Variants in CDIP1 observed in about 807,000 individuals in gnomAD.
The protein encoded by CDIP1 is cell death inducing p53 target 1, also known as cell death-inducing p53-target protein 1.
CDIP1 carries 9 observed loss-of-function variants against 17.7 expected under a neutral mutation model. The ratio of observed to expected loss-of-function variants is 0.51; its 90% CI spans 0.31 to 0.89. CDIP1 has a LOEUF of 0.89. CDIP1 is among the 40% of genes least tolerant of loss of function. The pLI is 0.05. For synonymous variants in CDIP1, 117 were observed against 109.5 expected (o/e 1.07, Z -0.43); for missense variants, 263 against 277.9 (o/e 0.95, Z 0.38).
At chr16:4,534,310 G>A (rs2059083598) in intron 1 of CDIP1, among the ~76,000 whole-genome samples, 3 of 152,270 alleles carry the variant, frequency 2.0e-5, no homozygotes, top group Middle Eastern at 3.4e-3. Context: ...AGCCGCAGCC[G>A]AGAGAGACTC....
chr16:4,530,040 G>A (rs888012007), intron 1 of CDIP1, among the ~76,000 whole-genome samples: 1 of 152,226 alleles, frequency 6.6e-6, no homozygotes, highest in African/African-American at 2.4e-5. Context: ...CCTGTACACA[G>A]AAGCTCCCCC....
chr16:4,520,311 A>G, intron 1 of CDIP1, among the ~76,000 whole-genome samples: 1 of 152,016 alleles, frequency 6.6e-6, no homozygotes, highest in Admixed American at 6.6e-5. Flanking sequence ...CACCATGTTG[A>G]CCAGGATGGT....
At chr16:4,515,287 G>A (rs1403204349) in intron 1 of CDIP1, among the ~76,000 whole-genome samples, 5 of 152,188 alleles carry the variant, frequency 3.3e-5, no homozygotes, top group Non-Finnish European at 7.4e-5. Flanking sequence ...TCAGGGGCAG[G>A]GCCAGAGGAA....
At chr16:4,532,091 C>T (rs886603498) in intron 1 of CDIP1, 5 of 152,252 alleles carry the variant, frequency 3.3e-5, no homozygotes, top group African/African-American at 1.2e-4. Context: ...ACCTAACCCA[C>T]TGAATGTGTA....
At chr16:4,516,698 C>CTTTT (rs767463500) in intron 1 of CDIP1, among the ~76,000 whole-genome samples, 561 of 78,118 alleles carry the variant, frequency 7.2e-3, no homozygotes, top group East Asian at 0.012. Context: ...GTTTTAAATC[C>CTTTT]TTTTTTTTTT....
At position 4,513,572 on chromosome 16, in the gene CDIP1, G is replaced by C; in HGVS notation, c.241+124C>G. On this transcript the variant is annotated intron_variant, in intron 4 of 5. Coordinates refer to ENST00000567695, the MANE Select transcript of CDIP1 (RefSeq NM_013399.3). The surrounding 1 kb of genome is among the most constrained non-coding windows in gnomAD (Gnocchi z 4.1). ...CACACAGCCTGAGCCCTAGGCAAGG[G>C]CTGGTTGGGCGTGTTGGAGTCCCTG... The C allele has an allele frequency of 1.2e-6, 1 of 807,234 alleles. No individual in the cohort carries two copies. The highest frequency in any genetic ancestry group is 1.6e-5 in the South Asian group (1 of 60,990). The allele number at this position is 807,234 out of a possible 1,614,324, so 50.0% of individuals were successfully genotyped here.
At chr16:4,515,148 A>G (rs1241603196) in intron 1 of CDIP1, 1 of 152,226 alleles carries the variant, frequency 6.6e-6, no homozygotes, top group Non-Finnish European at 1.5e-5. Flanking sequence ...TACCTTAGCT[A>G]AAAGTAATAA....
At chr16:4,517,750 A>AC (rs200004599) in intron 1 of CDIP1, among the ~76,000 whole-genome samples, 72,044 of 142,090 alleles carry the variant, frequency 0.51, 19,958 homozygotes, top group Non-Finnish European at 0.66. Context: ...CAAAAAACAA[A>AC]AAAAAAAAAA....
chr16:4,530,627 C>T (rs902471007), intron 1 of CDIP1, among the ~76,000 whole-genome samples: 3 of 145,542 alleles, frequency 2.1e-5, no homozygotes, highest in Non-Finnish European at 4.5e-5. Flanking sequence ...CCAGCCTGGG[C>T]GACAGAGTGA....
chr16:4,537,236 A>G (rs1443872981), intron 1 of CDIP1, among the ~76,000 whole-genome samples: 3 of 152,234 alleles, frequency 2.0e-5, no homozygotes, highest in Admixed American at 2.0e-4. Context: ...GTGATGAAAT[A>G]CAATAAAGTG....
At position 4,513,687 on chromosome 16, in the gene CDIP1, C is replaced by G. The variant is rs754733458; in HGVS notation, c.241+9G>C. The G allele has an allele frequency of 6.8e-6, 11 of 1,611,974 alleles. No homozygotes were observed. The highest frequency in any genetic ancestry group is 8.5e-6 in the Non-Finnish European group (10 of 1,178,714). On this transcript the variant is annotated intron_variant, in intron 4 of 5. Transcript: ENST00000567695. This position sits in a 1 kb window ranked among gnomAD's most constrained non-coding sequence, Gnocchi z 4.1. ...CCCCATGCTCCCCTCAGATCCCTTC[C>G]CCACTCACCCGGAGGCATGTAGGTG...
chr16:4,531,844 A>G (rs1014047102), intron 1 of CDIP1, among the ~76,000 whole-genome samples: 1 of 152,238 alleles, frequency 6.6e-6, no homozygotes, highest in Non-Finnish European at 1.5e-5. Context: ...CACACAGTGC[A>G]GTTCCTTCAC....
At chr16:4,533,314 C>T (rs1282342892) in intron 1 of CDIP1, 4 of 152,282 alleles carry the variant, frequency 2.6e-5, no homozygotes, top group African/African-American at 9.6e-5. Context: ...GGCCATCTCC[C>T]AGTCAGACCC....
At position 4,513,146 on chromosome 16, in the gene CDIP1, G is replaced by A. The variant is rs1225646758; in HGVS notation, c.242-82C>T. On this transcript the variant is annotated intron_variant, in intron 4 of 5. Transcript: ENST00000567695. This position sits in a 1 kb window ranked among gnomAD's most constrained non-coding sequence, Gnocchi z 4.1. ...CAAAGAGATTGGCGCAAAGCCCCAC[G>A]GTCCACAGCGCCCAGCGTGCAAGGC... 7.4e-6 allele frequency: 10 copies of A among 1,356,966 alleles called. No individual in the cohort carries two copies. Among genetic ancestry groups the A allele is most frequent in the East Asian group, 4.8e-5 (2 of 41,246 alleles). 84.1% of individuals were successfully genotyped at this position (1,356,966 alleles called of 1,614,324 possible).
In CDIP1 at chr16:4,513,827, T is replaced by A. The variant is rs781076825; in HGVS notation, c.110A>T (p.Gln37Leu). 13 of 1,589,428 alleles carry A rather than the reference T, an allele frequency of 8.2e-6. No individual in the cohort carries two copies. The African/African-American group carries it at 1.6e-4, about 20-fold the overall frequency. Residue 37 changes from glutamine (Q) to leucine (L), a missense_variant, in exon 4 of 6, where the codon CAG becomes CTG. Gln to Leu is a moderately radical substitution (Grantham distance 113). Coordinates refer to ENST00000567695, the MANE Select transcript of CDIP1 (RefSeq NM_013399.3). The surrounding 1 kb of genome is among the most constrained non-coding windows in gnomAD (Gnocchi z 4.1). Reference sequence around the variant, plus strand: ...GGGCAGTGGCATGCCTGGAGGGGGCTGCATCACAGCTGGGGAGGAACGGCC... The same window carrying A: ...GGGCAGTGGCATGCCTGGAGGGGGCAGCATCACAGCTGGGGAGGAACGGCC... ...TPGRSSPAVM[Q>L]PPPGMPLPPA...
At chr16:4,516,299 G>C (rs1033027759) in intron 1 of CDIP1, among the ~76,000 whole-genome samples, 10 of 152,148 alleles carry the variant, frequency 6.6e-5, no homozygotes, top group Non-Finnish European at 1.3e-4. Flanking sequence ...TCTCCTTCTG[G>C]GGTAACGAAG....
At chr16:4,530,676 C>A (rs986703434) in intron 1 of CDIP1, among the ~76,000 whole-genome samples, 11 of 150,162 alleles carry the variant, frequency 7.3e-5, no homozygotes, top group African/African-American at 2.4e-4. Context: ...ACAAAAAAAA[C>A]AGAAATAGTA....
intron 1 of CDIP1, among the ~76,000 whole-genome samples, chr16:4,536,931 C>CTAAA (rs1398529081): frequency 6.6e-6 from 1 of 152,120 alleles, no homozygotes; most frequent in African/African-American, 2.4e-5. Context: ...GACCCTGGCT[C>CTAAA]TAAATAAATA....
At chr16:4,518,714 T>C (rs1354575394) in intron 1 of CDIP1, among the ~76,000 whole-genome samples, 2 of 152,206 alleles carry the variant, frequency 1.3e-5, no homozygotes, top group East Asian at 1.9e-4. Context: ...AAATCAAACA[T>C]GCATTCCCAC....
Sources: allele counts gnomAD v4.1 joint callset (sites outside exome capture counted in the v4.1 genomes callset), GRCh38; gene constraint gnomAD v4.1.1; non-coding constraint Gnocchi (gnomAD v3.1); transcripts MANE v1.5; gene names NCBI Gene and HGNC (gene_info 2026-07-23, HGNC 2026-07-21).